The following SGSM2 variants were observed in gnomAD, a reference collection of about 807,000 sequenced individuals.
The protein encoded by SGSM2 is small G protein signaling modulator 2, also known as RUN and TBC1 domain containing 1.
A neutral mutation model predicts 126.6 loss-of-function variants in SGSM2; 89 were observed. The ratio of observed to expected loss-of-function variants is 0.70; its 90% CI spans 0.59 to 0.84. SGSM2 has a LOEUF of 0.84. SGSM2 is among the 40% of genes least tolerant of loss of function. The pLI, the probability that SGSM2 is intolerant of heterozygous loss-of-function variation, is 0.00. For missense variants in SGSM2, 1,404 were observed against 1,416.6 expected (o/e 0.99, Z 0.14); for synonymous variants, 614 against 574.3 (o/e 1.07, Z -0.99).
In SGSM2 at chr17:2,375,634, CAGACTCAGGACTGCCCTCCTCTCGCA is replaced by C; in HGVS notation, c.2245_2270del (p.Asp749LeufsTer13). 6.2e-7 allele frequency: 1 copy of C among 1,614,088 alleles called. No individual in the cohort carries two copies. Among genetic ancestry groups the C allele is most frequent in the South Asian group, 1.1e-5 (1 of 91,092 alleles). On this transcript the variant is annotated frameshift_variant, in exon 18 of 24. Transcript: ENST00000268989. LOFTEE classifies it high-confidence loss of function. ...CAGCATTCCGTGGAGTTCGACTCTC[CAGACTCAGGACTGCCCTCCTCTCGCA>C]ATTACTCCGTGGCCTCGGGCATCCA... is the stretch of plus-strand genomic sequence containing the variant.
At chr17:2,368,692 G>A (rs1048729820) in intron 12 of SGSM2, among the ~76,000 whole-genome samples, 13 of 121,486 alleles carry the variant, frequency 1.1e-4, no homozygotes, top group East Asian at 2.8e-4. Flanking sequence ...ATATGAGCCC[G>A]TAGGCCAGGC....
At chr17:2,351,430 T>A (rs1385098716) in intron 2 of SGSM2, among the ~76,000 whole-genome samples, 1 of 152,132 alleles carries the variant, frequency 6.6e-6, no homozygotes, top group East Asian at 1.9e-4. Flanking sequence ...AACTGTGGGC[T>A]TATGGTGTCC....
intron 2 of SGSM2, among the ~76,000 whole-genome samples, chr17:2,349,153 ATCACCTGAGG>A (rs2064737898): frequency 6.6e-6 from 1 of 151,912 alleles, no homozygotes; most frequent in Admixed American, 6.5e-5. Context: ...AGCTGGGTGG[ATCACCTGAGG>A]TCAGGAGTTC....
chr17:2,362,245 G>A lies in SGSM2; in HGVS notation c.433G>A (p.Val145Met), dbSNP rs759881235. The stretch of plus-strand genomic sequence containing the variant: ...CATCGAGAAAGTTCTGGACAAGGTC[G>A]TGCAATACCTGGCGGAAAACTGCAG... ...ALIEKVLDKV[V>M]QYLAENCSKY... The change falls in exon 4 of 24, where the codon GTG (valine) becomes ATG (methionine). Residue 145 changes from valine (V) to methionine (M), a missense_variant. Val to Met is a conservative substitution (Grantham distance 21). Coordinates refer to ENST00000268989, the MANE Select transcript of SGSM2 (RefSeq NM_014853.3). The surrounding 1 kb of genome is among the most constrained non-coding windows in gnomAD (Gnocchi z 4.9). 7.4e-6 allele frequency: 12 copies of A among 1,612,536 alleles called. No homozygotes were observed. The East Asian group carries it at 1.3e-4, about 18-fold the overall frequency.
intron 22 of SGSM2, 121 bp from the exon 23 acceptor site, chr17:2,378,915 C>CCAGCCCCAGCCTCAGCCTCAGCCT (rs887636820): frequency 4.9e-6 from 6 of 1,214,058 alleles, no homozygotes; most frequent in Non-Finnish European, 6.8e-6. Flanking sequence ...AGCATCAGCC[C>CCAGCCCCAGCCTCAGCCTCAGCCT]CAGCCCCAGC....
Position 2,379,769 on chromosome 17 carries a change from C to T in SGSM2, c.*249C>T. The T allele has an allele frequency of 7.3e-7, 1 of 1,378,020 alleles. No individual in the cohort carries two copies. Among genetic ancestry groups the T allele is most frequent in the Non-Finnish European group, 9.4e-7 (1 of 1,063,458 alleles). 85.4% of individuals were successfully genotyped at this position (1,378,020 alleles called of 1,614,324 possible). A position where few individuals can be genotyped will look rare whatever the true frequency, so the allele number is the denominator to read the frequency against. ...GGAGCAGCTGCCTTGGGGGACACACCTACTCTGCTCCCCTCTCACACATCT... is the reference window on the plus strand; with the variant it reads ...GGAGCAGCTGCCTTGGGGGACACACTTACTCTGCTCCCCTCTCACACATCT... On this transcript the variant is annotated 3_prime_UTR_variant, in exon 24 of 24. Coordinates refer to ENST00000268989, the MANE Select transcript of SGSM2 (RefSeq NM_014853.3).
At chr17:2,365,155 G>A in intron 10 of SGSM2, 60 bp from the exon 11 acceptor site, 1 of 1,589,998 alleles carries the variant, frequency 6.3e-7, no homozygotes. Context: ...GCGGCCTTGT[G>A]TGGAACCCTG....
At position 2,365,146 on chromosome 17, in the gene SGSM2, C is replaced by T. The variant is rs2065500251; in HGVS notation, c.1162-69C>T. 11 of 1,590,568 alleles carry T rather than the reference C, an allele frequency of 6.9e-6. No homozygotes were observed. The South Asian group carries it at 7.9e-5, about 11-fold the overall frequency. On this transcript the variant is annotated intron_variant, in intron 10 of 23. Coordinates refer to ENST00000268989, the MANE Select transcript of SGSM2 (RefSeq NM_014853.3). ...CTTCCCCACGTGGAGTTCTTAGGAG[C>T]GGCCTTGTGTGGAACCCTGGATGAG... is the stretch of plus-strand genomic sequence containing the variant.
intron 2 of SGSM2, among the ~76,000 whole-genome samples, chr17:2,352,870 C>T (rs376892894): frequency 0.023 from 2,805 of 121,608 alleles, 176 homozygotes; most frequent in African/African-American, 0.068. Context: ...CTCTGCCTCC[C>T]GGGTTCACGC....
In SGSM2 at chr17:2,376,235, C is replaced by T. The variant is rs749319873; in HGVS notation, c.2583C>T (p.Leu861=). 11 of 1,613,772 alleles carry T rather than the reference C, an allele frequency of 6.8e-6. No individual in the cohort carries two copies. Among genetic ancestry groups the T allele is most frequent in the Non-Finnish European group, 9.3e-6 (11 of 1,180,012 alleles). The part of the protein sequence containing the change: ...RNYWYFTPPN[L]ERLRDVMCSY... ...ACTGGTACTTCACGCCCCCCAACCT[C>T]GAGAGGCTCAGAGACGTCATGTGCA... The change falls in exon 19 of 24, where the codon CTC becomes CTT. Residue 861 remains leucine (L), a synonymous_variant. Transcript: ENST00000268989.
At position 2,367,285 on chromosome 17, in the gene SGSM2, C is replaced by G. The variant is rs771128601; in HGVS notation, c.1303C>G (p.His435Asp). Reference sequence around the variant, plus strand: ...TCTTTGAGCAGTCACTATTAACTACCACCACCTAGCGGCCAGCCGCGCGGC... The same window carrying G: ...TCTTTGAGCAGTCACTATTAACTACGACCACCTAGCGGCCAGCCGCGCGGC... Reference protein sequence around the residue: ...HRHEHITINYHHLAASRAASV... With the variant: ...HRHEHITINYDHLAASRAASV... The change falls in exon 12 of 24, where the codon CAC becomes GAC. Residue 435 changes from histidine (H) to aspartate (D), a missense_variant. Physicochemically the swap from His to Asp is moderately conservative, Grantham distance 81 (BLOSUM62 -1). Transcript: ENST00000268989. This position sits in a 1 kb window ranked among gnomAD's most constrained non-coding sequence, Gnocchi z 4.0. 1 of 1,613,398 alleles carries G rather than the reference C, an allele frequency of 6.2e-7. No individual in the cohort carries two copies. The highest frequency in any genetic ancestry group is 8.5e-7 in the Non-Finnish European group (1 of 1,179,714).
chr17:2,346,490 C>T (rs573708989), intron 2 of SGSM2, among the ~76,000 whole-genome samples: 1 of 152,326 alleles, frequency 6.6e-6, no homozygotes, highest in African/African-American at 2.4e-5. Context: ...GGAAAGTTTG[C>T]AGCCAGATCC....
chr17:2,348,865 G>A lies in SGSM2; in HGVS notation c.133+5245G>A, dbSNP rs548083678. 2.0e-5 allele frequency among the ~76,000 whole-genome samples: 3 copies of A among 152,174 alleles called. No homozygotes were observed. In the South Asian group the frequency reaches 6.2e-4, roughly 32 times the overall value. On this transcript the variant is annotated intron_variant, in intron 2 of 23. Transcript: ENST00000268989. ...CAGCCTCGACCTTCTGGGTTCAGGCGATCCTCTCACTTCAGCCTCCTGAGT... is the reference window on the plus strand; with the variant it reads ...CAGCCTCGACCTTCTGGGTTCAGGCAATCCTCTCACTTCAGCCTCCTGAGT...
intron 12 of SGSM2, among the ~76,000 whole-genome samples, chr17:2,369,988 A>AAG (rs1450808136): frequency 6.6e-6 from 1 of 152,120 alleles, no homozygotes; most frequent in Non-Finnish European, 1.5e-5. Context: ...TGGGTCTGGG[A>AAG]AGAGAGCCCC....
In SGSM2 at chr17:2,363,360, G is replaced by C; in HGVS notation, c.673-105G>C. On this transcript the variant is annotated intron_variant, in intron 6 of 23. Coordinates refer to ENST00000268989, the MANE Select transcript of SGSM2 (RefSeq NM_014853.3). This position sits in a 1 kb window ranked among gnomAD's most constrained non-coding sequence, Gnocchi z 4.2. ...GCTGGGAGTAAACCGGGGCAGGAAG[G>C]ACCCCTGGGGTCAGCTGGAGAGGGT... 3.2e-6 allele frequency: 5 copies of C among 1,541,886 alleles called. No individual in the cohort carries two copies. Among genetic ancestry groups the C allele is most frequent in the Non-Finnish European group, 4.4e-6 (5 of 1,142,092 alleles).
At chr17:2,350,770 G>A (rs1238601166) in intron 2 of SGSM2, among the ~76,000 whole-genome samples, 1 of 152,210 alleles carries the variant, frequency 6.6e-6, no homozygotes, top group Admixed American at 6.5e-5. Flanking sequence ...TGCAGGGAGG[G>A]AAGGCACCTG....
At chr17:2,375,444 G>A (rs747324849) in intron 17 of SGSM2, 48 bp from the exon 18 acceptor site, 26 of 1,546,494 alleles carry the variant, frequency 1.7e-5, no homozygotes, top group Middle Eastern at 3.5e-4. Context: ...GGTGGGCTGC[G>A]GGAAGGTGCT....
rs1184517432 is a variant in SGSM2 at position 2,359,137 on chromosome 17, A to G, written c.134-2500A>G. On this transcript the variant is annotated intron_variant, in intron 2 of 23. Coordinates refer to ENST00000268989, the MANE Select transcript of SGSM2 (RefSeq NM_014853.3). ...CATGATCCGCCTGCCTCGGCCTCCC[A>G]AAGTGCTGGGATTACAGGCGTGAGC... is the stretch of plus-strand genomic sequence containing the variant. Among the ~76,000 whole-genome samples the G allele has an allele frequency of 2.0e-5, 3 of 152,118 alleles. No individual in the cohort carries two copies. The East Asian group carries it at 5.8e-4, about 29-fold the overall frequency.
At chr17:2,358,881 T>G (rs1364340883) in intron 2 of SGSM2, among the ~76,000 whole-genome samples, 4 of 149,136 alleles carry the variant, frequency 2.7e-5, no homozygotes, top group Non-Finnish European at 4.5e-5. Context: ...TTGTTTTTTT[T>G]TTTTTTTTTT....
Sources: allele counts gnomAD v4.1 joint callset (sites outside exome capture counted in the v4.1 genomes callset), GRCh38; gene constraint gnomAD v4.1.1; non-coding constraint Gnocchi (gnomAD v3.1); transcripts MANE v1.5; gene names NCBI Gene and HGNC (gene_info 2026-07-23, HGNC 2026-07-21).